The following DCLK1 variants were observed in gnomAD, a reference collection of about 807,000 sequenced individuals.
DCLK1 encodes serine/threonine-protein kinase DCLK1.
DCLK1 carries 16 observed loss-of-function variants against 86.2 expected under a neutral mutation model. The ratio of observed to expected loss-of-function variants is 0.19; its 90% CI spans 0.13 to 0.28. DCLK1 has a LOEUF of 0.28. Among genes scored for constraint, DCLK1 ranks in the 10% least tolerant of loss-of-function variants. The pLI is 1.00. For synonymous variants in DCLK1, 369 were observed against 370.5 expected (o/e 1.00, Z 0.05); for missense variants, 590 against 940.2 (o/e 0.63, Z 4.87).
intron 3 of DCLK1, among the ~76,000 whole-genome samples, chr13:35,970,676 G>C (rs1879020323): frequency 6.6e-6 from 1 of 152,112 alleles, no homozygotes; most frequent in Non-Finnish European, 1.5e-5. Flanking sequence ...ACCCTTACCA[G>C]ACACCTAACC....
chr13:36,094,045 A>G (rs1884922768), intron 3 of DCLK1, among the ~76,000 whole-genome samples: 1 of 152,082 alleles, frequency 6.6e-6, no homozygotes, highest in African/African-American at 2.4e-5. Context: ...CCCAGCCAAA[A>G]ATTTTTTTAA....
At chr13:35,775,509 C>T (rs2086409706) in intron 16 of DCLK1, among the ~76,000 whole-genome samples, 1 of 152,106 alleles carries the variant, frequency 6.6e-6, no homozygotes, top group African/African-American at 2.4e-5. Context: ...ATCATGACAT[C>T]AGAATGGGGG....
At chr13:36,046,748 AG>A (rs1182423841) in intron 3 of DCLK1, among the ~76,000 whole-genome samples, 2 of 152,236 alleles carry the variant, frequency 1.3e-5, no homozygotes, top group Admixed American at 1.3e-4. Context: ...ACTAACTTCA[AG>A]GAGAAGGACT....
rs36091477 is a variant in DCLK1, at chr13:35,862,032, CAAAAAAAA to C, written c.941-7447_941-7440del. On this transcript the variant is annotated intron_variant, in intron 5 of 16. Transcript: ENST00000360631. ...TGGGTGACAGAGCGAGACTCCGTCT[CAAAAAAAA>C]AAAAAAAAAAAAAAAAGAAATGCAG... Among the ~76,000 whole-genome samples the C allele has an allele frequency of 1.4e-4, 10 of 71,132 alleles. No homozygotes were observed. In the East Asian group the frequency reaches 3.8e-3, roughly 27 times the overall value. 46.7% of individuals were successfully genotyped at this position (71,132 alleles called of 152,430 possible). A position where few individuals can be genotyped will look rare whatever the true frequency, so the allele number is the denominator to read the frequency against.
intron 10 of DCLK1, among the ~76,000 whole-genome samples, chr13:35,826,169 C>T (rs1016098677): frequency 2.0e-5 from 3 of 151,898 alleles, no homozygotes; most frequent in Admixed American, 2.0e-4. Context: ...ACATTTTTAC[C>T]TCCCTCAGCC....
intron 4 of DCLK1, among the ~76,000 whole-genome samples, chr13:35,944,368 C>T (rs1171286406): frequency 1.3e-5 from 2 of 152,148 alleles, no homozygotes; most frequent in Non-Finnish European, 2.9e-5. Flanking sequence ...GATGTCTGTA[C>T]CCACCGCTGA....
At chr13:35,916,757 T>C (rs1200392546) in intron 4 of DCLK1, among the ~76,000 whole-genome samples, 2 of 152,164 alleles carry the variant, frequency 1.3e-5, no homozygotes, top group East Asian at 3.9e-4. Flanking sequence ...TCTATCCCTA[T>C]CTTTAAAAAA....
intron 5 of DCLK1, among the ~76,000 whole-genome samples, chr13:35,864,849 G>C (rs545714863): frequency 6.3e-4 from 96 of 151,920 alleles, no homozygotes; most frequent in Non-Finnish European, 1.2e-3. Context: ...CACAGGTCTT[G>C]GTATGTTGCC....
chr13:35,936,837 CAG>C (rs1287849434), intron 4 of DCLK1, among the ~76,000 whole-genome samples: 1 of 152,046 alleles, frequency 6.6e-6, no homozygotes, highest in Non-Finnish European at 1.5e-5. Flanking sequence ...CTTTGGAAAA[CAG>C]GGACTGAGAG....
At chr13:36,098,818 G>A (rs1727467137) in intron 3 of DCLK1, among the ~76,000 whole-genome samples, 2 of 152,186 alleles carry the variant, frequency 1.3e-5, no homozygotes, top group African/African-American at 4.8e-5. Context: ...TAATGGGAAA[G>A]TGCAGGCTCA....
intron 3 of DCLK1, among the ~76,000 whole-genome samples, chr13:36,066,094 T>C (rs1281105326): frequency 6.6e-6 from 1 of 152,190 alleles, no homozygotes. Flanking sequence ...AAATAGCATT[T>C]TATAATATGC....
At chr13:36,107,303 G>A (rs1242430348) in intron 3 of DCLK1, among the ~76,000 whole-genome samples, 1 of 136,016 alleles carries the variant, frequency 7.4e-6, no homozygotes, top group Non-Finnish European at 1.6e-5. Context: ...ACAATAAATT[G>A]TTTGCTCACT....
chr13:35,835,134 C>T (rs1042828796), intron 8 of DCLK1, among the ~76,000 whole-genome samples: 12 of 152,210 alleles, frequency 7.9e-5, no homozygotes, highest in Middle Eastern at 3.4e-3. Context: ...TCTCCTCAGT[C>T]GTCCTCTCTG....
intron 3 of DCLK1, among the ~76,000 whole-genome samples, chr13:36,004,164 G>A (rs911941541): frequency 1.3e-5 from 2 of 152,084 alleles, no homozygotes; most frequent in Non-Finnish European, 2.9e-5. Context: ...CTTCCTTTTT[G>A]GAAAGCCACA....
chr13:36,076,862 G>T (rs1242991588), intron 3 of DCLK1, among the ~76,000 whole-genome samples: 1 of 152,122 alleles, frequency 6.6e-6, no homozygotes, highest in African/African-American at 2.4e-5. Flanking sequence ...GTCCAAAAAA[G>T]AATAATGGGC....
chr13:35,994,145 G>C (rs1371065455), intron 3 of DCLK1, among the ~76,000 whole-genome samples: 1 of 151,992 alleles, frequency 6.6e-6, no homozygotes, highest in Non-Finnish European at 1.5e-5. Flanking sequence ...GCAGGAGTAG[G>C]TTGGGGCATG....
intron 16 of DCLK1, chr13:35,787,738 T>C (rs545067409): frequency 5.7e-6 from 1 of 175,970 alleles, no homozygotes; most frequent in Non-Finnish European, 1.2e-5. Flanking sequence ...CATTGTACTT[T>C]GAGGCGCTTC....
intron 16 of DCLK1, among the ~76,000 whole-genome samples, chr13:35,784,519 A>C (rs1288328580): frequency 6.6e-6 from 1 of 152,184 alleles, no homozygotes; most frequent in Non-Finnish European, 1.5e-5. Flanking sequence ...TCATCTTTTG[A>C]GCCTATGGCC....
At chr13:35,873,445 C>T (rs756797478) in intron 4 of DCLK1, among the ~76,000 whole-genome samples, 12 of 151,654 alleles carry the variant, frequency 7.9e-5, no homozygotes, top group South Asian at 2.1e-4. Flanking sequence ...AGTGCAGTGG[C>T]GTGATCTCGG....
Sources: gnomAD v4.1 joint callset for allele counts (sites outside exome capture counted in the v4.1 genomes callset) on GRCh38, gnomAD v4.1.1 for gene constraint, MANE v1.5 for transcripts, NCBI Gene and HGNC (gene_info 2026-07-23, HGNC 2026-07-21) for gene names.